Variants in BCAT1 observed in about 807,000 individuals in gnomAD.
BCAT1 encodes the protein branched chain amino acid transaminase 1, also known as branched-chain-amino-acid aminotransferase, cytosolic.
A neutral mutation model predicts 52.4 loss-of-function variants in BCAT1; 48 were observed. That is an observed-to-expected ratio of 0.92 (90% CI 0.73 to 1.16). The LOEUF (loss-of-function observed/expected upper bound fraction) is 1.16, where lower values mean the gene tolerates loss of function less well. Among genes scored for constraint, BCAT1 ranks in the 50% most tolerant of loss-of-function variants. The pLI, the probability that BCAT1 is intolerant of heterozygous loss-of-function variation, is 0.00. For missense variants in BCAT1, 451 were observed against 457.1 expected, an observed-to-expected ratio of 0.99 and a Z score of 0.12; for synonymous variants, 167 against 161.3, an observed-to-expected ratio of 1.04 and a Z score of -0.27.
At chr12:24,865,165 TC>T (rs1314106542) in intron 5 of BCAT1, among the ~76,000 whole-genome samples, 1 of 152,196 alleles carries the variant, frequency 6.6e-6, no homozygotes, top group Non-Finnish European at 1.5e-5. Flanking sequence ...CAAGAATCTA[TC>T]CCTTAAATTC....
chr12:24,842,343 T>A, intron 6 of BCAT1, 119 bp from the exon 7 acceptor site: 1 of 1,093,216 alleles, frequency 9.1e-7, no homozygotes, highest in Non-Finnish European at 1.3e-6. Flanking sequence ...GGTATTATGT[T>A]CTTAATATAT....
intron 7 of BCAT1, among the ~76,000 whole-genome samples, chr12:24,838,549 G>A (rs952034571): frequency 2.0e-5 from 3 of 151,466 alleles, no homozygotes; most frequent in Non-Finnish European, 2.9e-5. Flanking sequence ...CCCCCAAACC[G>A]GACCTTTCCT....
Position 24,816,466 on chromosome 12 carries a change from G to A in BCAT1, c.*1542C>T, listed in dbSNP as rs1247786919. ...TTTTAACTCACAGCTCCTAAACAAG[G>A]AAAATATCACCCATAGTAGCTCTCC... On this transcript the variant is annotated 3_prime_UTR_variant, in exon 11 of 11. Coordinates refer to ENST00000261192, the MANE Select transcript of BCAT1 (RefSeq NM_005504.7). The A allele has an allele frequency of 5.0e-6, 2 of 397,162 alleles. No homozygotes were observed. The highest frequency in any genetic ancestry group is 4.1e-5 in the African/African-American group (2 of 48,298). 24.6% of individuals were successfully genotyped at this position (397,162 alleles called of 1,614,324 possible).
chr12:24,874,143 G>A (rs540360168), intron 5 of BCAT1, among the ~76,000 whole-genome samples: 12 of 152,056 alleles, frequency 7.9e-5, no homozygotes, highest in South Asian at 2.1e-4. Flanking sequence ...GTGAAACCCC[G>A]TCTCTACTAA....
Position 24,898,520 on chromosome 12 carries a change from C to CTT in BCAT1, c.78+3292_78+3293dup, listed in dbSNP as rs71448094. Among the ~76,000 whole-genome samples, 191 of 38,510 alleles carry CTT rather than the reference C, an allele frequency of 5.0e-3. 41 individuals are homozygous for CTT. The highest frequency in any genetic ancestry group is 6.9e-3 in the East Asian group (6 of 866). 25.3% of individuals were successfully genotyped at this position (38,510 alleles called of 152,430 possible). A position where few individuals can be genotyped will look rare whatever the true frequency, so the allele number is the denominator to read the frequency against. Reference sequence around the variant, plus strand: ...TGTTTCAGCCAGGGTTCAGTCAACACTTTTTTTTTTTTTTTTTTTTTTTTT... The same window carrying CTT: ...TGTTTCAGCCAGGGTTCAGTCAACACTTTTTTTTTTTTTTTTTTTTTTTTTTT... On this transcript the variant is annotated intron_variant, in intron 2 of 10. Coordinates refer to ENST00000261192, the MANE Select transcript of BCAT1 (RefSeq NM_005504.7).
chr12:24,831,257 A>G (rs1940652941), intron 9 of BCAT1, among the ~76,000 whole-genome samples: 1 of 152,228 alleles, frequency 6.6e-6, no homozygotes, highest in Non-Finnish European at 1.5e-5. Context: ...TATATAACAT[A>G]CATAACATAC....
intron 5 of BCAT1, among the ~76,000 whole-genome samples, chr12:24,877,197 G>A (rs1942372586): frequency 1.3e-5 from 2 of 152,128 alleles, no homozygotes; most frequent in South Asian, 2.1e-4. Flanking sequence ...TAGAAAACCT[G>A]GTAACCCCGC....
At chr12:24,926,480 C>T (rs1050569331) in intron 1 of BCAT1, among the ~76,000 whole-genome samples, 8 of 152,234 alleles carry the variant, frequency 5.3e-5, no homozygotes, top group African/African-American at 1.7e-4. Flanking sequence ...TCATTGAGAA[C>T]GGGCCATGAT....
intron 1 of BCAT1, among the ~76,000 whole-genome samples, chr12:24,911,411 A>C (rs1943324393): frequency 6.6e-6 from 1 of 152,190 alleles, no homozygotes; most frequent in African/African-American, 2.4e-5. Flanking sequence ...AGCAGGAGCT[A>C]TGCCCTCCTC....
chr12:24,932,144 A>G (rs1943684815), intron 1 of BCAT1, among the ~76,000 whole-genome samples: 1 of 152,208 alleles, frequency 6.6e-6, no homozygotes, highest in African/African-American at 2.4e-5. Context: ...AATGAGGTAT[A>G]AGGGGAAAAA....
At chr12:24,878,288 A>G (rs1304973093) in intron 5 of BCAT1, among the ~76,000 whole-genome samples, 1 of 152,156 alleles carries the variant, frequency 6.6e-6, no homozygotes, top group African/African-American at 2.4e-5. Context: ...ATTTTGGGGT[A>G]TGGTAAGAGG....
intron 1 of BCAT1, among the ~76,000 whole-genome samples, chr12:24,938,575 GT>G (rs1248994086): frequency 2.0e-5 from 3 of 152,108 alleles, no homozygotes; most frequent in Non-Finnish European, 4.4e-5. Flanking sequence ...GGGATGTTGG[GT>G]GCTTAGGCCT....
intron 5 of BCAT1, among the ~76,000 whole-genome samples, chr12:24,868,780 T>G (rs950936417): frequency 1.1e-4 from 17 of 152,150 alleles, no homozygotes; most frequent in Non-Finnish European, 2.1e-4. Flanking sequence ...AAAGAAAACT[T>G]TAACTACTTT....
At chr12:24,825,135 G>GTGTA (rs1236367045) in intron 10 of BCAT1, among the ~76,000 whole-genome samples, 2 of 146,478 alleles carry the variant, frequency 1.4e-5, no homozygotes, top group African/African-American at 2.6e-5. Context: ...GTGTGTGTGT[G>GTGTA]TATATATATA....
At chr12:24,896,133 C>T (rs1337434455) in intron 2 of BCAT1, among the ~76,000 whole-genome samples, 2 of 152,134 alleles carry the variant, frequency 1.3e-5, no homozygotes, top group Non-Finnish European at 2.9e-5. Flanking sequence ...AGATTACAGG[C>T]ATGAGCCACT....
intron 2 of BCAT1, among the ~76,000 whole-genome samples, chr12:24,899,777 GAAAA>G (rs72262709): frequency 7.5e-6 from 1 of 133,996 alleles, no homozygotes; most frequent in African/African-American, 2.8e-5. Flanking sequence ...GCCAAACACA[GAAAA>G]AAAAAAAAAC....
At chr12:24,847,960 C>T (rs1003240166) in intron 6 of BCAT1, among the ~76,000 whole-genome samples, 9 of 152,212 alleles carry the variant, frequency 5.9e-5, no homozygotes, top group Admixed American at 3.9e-4. Context: ...ATATTAAATG[C>T]GGAATATTTT....
Position 24,859,569 on chromosome 12 carries a change from C to T in BCAT1, c.511-9620G>A, listed in dbSNP as rs144016911. On this transcript the variant is annotated intron_variant, in intron 5 of 10. Transcript: ENST00000261192. The stretch of plus-strand genomic sequence containing the variant: ...CCGGGAGACGGAGCTTGCAGTGAGC[C>T]GAGATGGCGCCACTGAACTCCAGCT... Among the ~76,000 whole-genome samples, 32 of 141,452 alleles carry T rather than the reference C, an allele frequency of 2.3e-4. 1 individual carries two copies. Among genetic ancestry groups the T allele is most frequent in the African/African-American group, 7.3e-4 (27 of 36,912 alleles). The allele number at this position is 141,452 out of a possible 152,430, so 92.8% of individuals were successfully genotyped here. A position where few individuals can be genotyped will look rare whatever the true frequency, so the allele number is the denominator to read the frequency against.
At chr12:24,928,760 A>C (rs1474828116) in intron 1 of BCAT1, among the ~76,000 whole-genome samples, 1 of 147,654 alleles carries the variant, frequency 6.8e-6, no homozygotes, top group African/African-American at 2.5e-5. Context: ...TTTGAGATGG[A>C]GTTTCATTCT....
Sources: allele counts gnomAD v4.1 joint callset (sites outside exome capture counted in the v4.1 genomes callset), GRCh38; gene constraint gnomAD v4.1.1; transcripts MANE v1.5; gene names NCBI Gene and HGNC (gene_info 2026-07-23, HGNC 2026-07-21).